The following MGST1 variants were observed in gnomAD, a reference collection of about 807,000 sequenced individuals.
The protein encoded by MGST1 is microsomal glutathione S-transferase 1, also known as glutathione S-transferase 12.
A neutral mutation model predicts 8.9 loss-of-function variants in MGST1; 5 were observed. The observed-to-expected ratio is 0.56, with a 90% CI of 0.29 to 1.19. The LOEUF (loss-of-function observed/expected upper bound fraction) is 1.19, where lower values mean the gene tolerates loss of function less well. MGST1 is among the 50% of genes most tolerant of loss of function. The pLI is 0.08. For missense variants in MGST1, 182 were observed against 187.4 expected, an observed-to-expected ratio of 0.97 and a Z score of 0.17; for synonymous variants, 54 against 67.8, an observed-to-expected ratio of 0.80 and a Z score of 1.00.
intron 1 of MGST1, chr12:16,399,334 G>T (rs1227505649): frequency 6.3e-7 from 1 of 1,592,652 alleles, no homozygotes; most frequent in Non-Finnish European, 8.6e-7. Flanking sequence ...TTGGAACCAC[G>T]GTTAGAGCCA....
rs927453492 is a variant in MGST1 at position 16,520,420 on chromosome 12, G to A, written n.483-69108G>A. Reference sequence around the variant, plus strand: ...ATAATAACTGTATGCACAGGGTGAGGAAGCCTAATGATGGAGTTTAGGGGA... The same window carrying A: ...ATAATAACTGTATGCACAGGGTGAGAAAGCCTAATGATGGAGTTTAGGGGA... On this transcript the variant is annotated intron_variant and non_coding_transcript_variant, in intron 4 of 4. Transcript: ENST00000538857. Among the ~76,000 whole-genome samples the A allele has an allele frequency of 5.1e-4, 77 of 151,930 alleles. 1 individual carries two copies. Among genetic ancestry groups the A allele is most frequent in the Admixed American group, 4.7e-3 (71 of 15,252 alleles).
intron 4 of MGST1, among the ~76,000 whole-genome samples, chr12:16,569,972 G>A (rs1942757974): frequency 6.6e-6 from 1 of 152,070 alleles, no homozygotes; most frequent in Non-Finnish European, 1.5e-5. Flanking sequence ...AGGCCAATCA[G>A]CCACAATTAT....
At chr12:16,422,379 T>A (rs866984343) in intron 1 of MGST1, among the ~76,000 whole-genome samples, 1 of 152,190 alleles carries the variant, frequency 6.6e-6, no homozygotes, top group South Asian at 2.1e-4. Context: ...TCAGGGCCAC[T>A]TCTCAGTGGA....
At chr12:16,349,732 T>A (rs1184498499) in intron 1 of MGST1, among the ~76,000 whole-genome samples, 1 of 148,620 alleles carries the variant, frequency 6.7e-6, no homozygotes, top group Non-Finnish European at 1.5e-5. Flanking sequence ...ATTTAACAGG[T>A]CCCAGAGCTT....
intron 1 of MGST1, among the ~76,000 whole-genome samples, chr12:16,429,271 A>C (rs1252535550): frequency 6.6e-6 from 1 of 152,124 alleles, no homozygotes; most frequent in Non-Finnish European, 1.5e-5. Context: ...TTTTCCTTCA[A>C]TATTTCAAAA....
At chr12:16,563,277 A>G (rs1942467646) in intron 4 of MGST1, among the ~76,000 whole-genome samples, 1 of 152,194 alleles carries the variant, frequency 6.6e-6, no homozygotes, top group Non-Finnish European at 1.5e-5. Flanking sequence ...CCAAGGATCA[A>G]GAGATCATTC....
At chr12:16,483,394 G>T (rs1489022949) in intron 4 of MGST1, among the ~76,000 whole-genome samples, 1 of 151,894 alleles carries the variant, frequency 6.6e-6, no homozygotes, top group African/African-American at 2.4e-5. Flanking sequence ...AATAAAACAT[G>T]CAACTTCCAA....
At chr12:16,347,200 T>G (rs1939243716), upstream of MGST1, 4 of 152,254 alleles carry the variant, frequency 2.6e-5, no homozygotes, top group South Asian at 8.3e-4. This position sits in a 1 kb window ranked among gnomAD's most constrained non-coding sequence, Gnocchi z 4.0. Flanking sequence ...TGATCTTTAC[T>G]GAGGGTTACA....
intron 1 of MGST1, among the ~76,000 whole-genome samples, chr12:16,404,908 C>T (rs1032427021): frequency 1.3e-5 from 2 of 149,964 alleles, no homozygotes; most frequent in Admixed American, 6.6e-5. Context: ...CAAACTCTCT[C>T]GGTTTTTGTC....
At chr12:16,496,285 G>C (rs928005757) in intron 4 of MGST1, among the ~76,000 whole-genome samples, 3 of 152,028 alleles carry the variant, frequency 2.0e-5, no homozygotes, top group Admixed American at 1.3e-4. Context: ...GATCTAGTGT[G>C]GTTGGCAGCA....
intron 4 of MGST1, among the ~76,000 whole-genome samples, chr12:16,495,309 C>T (rs1462583868): frequency 6.6e-6 from 1 of 151,814 alleles, no homozygotes; most frequent in East Asian, 1.9e-4. Flanking sequence ...AAACTGGGGA[C>T]AAATAGAAGG....
chr12:16,553,563 A>G (rs936007098), intron 4 of MGST1, among the ~76,000 whole-genome samples: 1 of 152,178 alleles, frequency 6.6e-6, no homozygotes, highest in African/African-American at 2.4e-5. Context: ...AGTGCATTTT[A>G]TATGCATTTC....
downstream of MGST1, among the ~76,000 whole-genome samples, chr12:16,368,891 C>CT (rs1157823418): frequency 6.6e-6 from 1 of 152,138 alleles, no homozygotes; most frequent in East Asian, 1.9e-4. Context: ...AATATAGACT[C>CT]TGATATACCA....
At chr12:16,399,912 T>C in intron 1 of MGST1, 1 of 1,275,752 alleles carries the variant, frequency 7.8e-7, no homozygotes, top group South Asian at 1.2e-5. Flanking sequence ...TCAGCTCTAC[T>C]TCATCCAATG....
At chr12:16,402,211 CA>C (rs1940661865) in intron 1 of MGST1, 1 of 1,585,178 alleles carries the variant, frequency 6.3e-7, no homozygotes, top group Non-Finnish European at 8.7e-7. Context: ...ATGATTTTGT[CA>C]TCACAAAAGA....
intron 4 of MGST1, chr12:16,549,409 AT>A (rs1941906407): frequency 6.6e-6 from 1 of 152,474 alleles, no homozygotes; most frequent in African/African-American, 2.4e-5. Flanking sequence ...TCACAGAACC[AT>A]TTTCTTAAAA....
In MGST1 at chr12:16,453,309, T is replaced by G. The variant is rs1018328629; in HGVS notation, n.482+69705T>G. Among the ~76,000 whole-genome samples the G allele has an allele frequency of 2.6e-5, 4 of 151,956 alleles. 1 individual carries two copies. The highest frequency in any genetic ancestry group is 5.9e-5 in the Non-Finnish European group (4 of 67,930). On this transcript the variant is annotated intron_variant and non_coding_transcript_variant, in intron 4 of 4. Coordinates refer to the MGST1 transcript ENST00000538857. ...ATAAAAAGCTGTTAAATTCTGAAGC[T>G]TTTCCTTAACATTTATTCTCGATTC...
chr12:16,510,655 CTT>C (rs1941570994), intron 4 of MGST1, among the ~76,000 whole-genome samples: 1 of 152,164 alleles, frequency 6.6e-6, no homozygotes, highest in Non-Finnish European at 1.5e-5. Flanking sequence ...TTAATGATAA[CTT>C]TGCTTAATCC....
intron 4 of MGST1, among the ~76,000 whole-genome samples, chr12:16,484,400 T>C (rs948433879): frequency 2.6e-5 from 4 of 152,016 alleles, no homozygotes; most frequent in South Asian, 2.1e-4. Flanking sequence ...AGAATCTGTT[T>C]TTTGTTTGTT....
Sources: gnomAD v4.1 joint callset for allele counts (sites outside exome capture counted in the v4.1 genomes callset) on GRCh38, gnomAD v4.1.1 for gene constraint, Gnocchi (gnomAD v3.1) non-coding constraint, MANE v1.5 for transcripts, NCBI Gene and HGNC (gene_info 2026-07-23, HGNC 2026-07-21) for gene names.